NPRL3: variants seen among roughly 807,000 people sequenced by gnomAD.
NPRL3 encodes NPR3 like, GATOR1 complex subunit.
In NPRL3, 23 loss-of-function variants were observed where a neutral mutation model predicts 57.2. The observed-to-expected ratio is 0.40, with a 90% CI of 0.29 to 0.57. The LOEUF is 0.57. NPRL3 is among the 20% of genes least tolerant of loss of function. The pLI, the probability that NPRL3 is intolerant of heterozygous loss-of-function variation, is 0.42. For missense variants in NPRL3, 691 were observed against 767.1 expected, an observed-to-expected ratio of 0.90 and a Z score of 1.17; for synonymous variants, 333 against 321.1, an observed-to-expected ratio of 1.04 and a Z score of -0.39.
Position 138,643 on chromosome 16 carries a change from C to T in NPRL3, c.-69G>A, listed in dbSNP as rs1312162667. 3 of 200,306 alleles carry T rather than the reference C, an allele frequency of 1.5e-5. No homozygotes were observed. The Admixed American group carries it at 1.8e-4, about 12-fold the overall frequency. The allele number at this position is 200,306 out of a possible 1,614,324, so 12.4% of individuals were successfully genotyped here. A position where few individuals can be genotyped will look rare whatever the true frequency, so the allele number is the denominator to read the frequency against. On this transcript the variant is annotated splice_region_variant and 5_prime_UTR_variant, in exon 1 of 14. Coordinates refer to ENST00000611875, the MANE Select transcript of NPRL3 (RefSeq NM_001077350.3). Reference sequence around the variant, plus strand: ...CGGAGCAGCGCCACAGTTACCAACCCACGTGCCACGCTCCGGGCTCGCGAG... The same window carrying T: ...CGGAGCAGCGCCACAGTTACCAACCTACGTGCCACGCTCCGGGCTCGCGAG...
chr16:117,604 G>A (rs953958938), intron 4 of NPRL3, among the ~76,000 whole-genome samples: 1 of 152,222 alleles, frequency 6.6e-6, no homozygotes, highest in African/African-American at 2.4e-5. Flanking sequence ...GCTAACAGAA[G>A]TGAGCTGACA....
chr16:130,139 G>A (rs1051775007), intron 3 of NPRL3, among the ~76,000 whole-genome samples: 4 of 152,170 alleles, frequency 2.6e-5, no homozygotes, highest in Non-Finnish European at 4.4e-5. Flanking sequence ...TGACCAGGCT[G>A]TGCTAAACCC....
chr16:136,970 G>T (rs1901119019), intron 2 of NPRL3, among the ~76,000 whole-genome samples: 1 of 151,526 alleles, frequency 6.6e-6, no homozygotes, highest in Admixed American at 6.6e-5. Context: ...TACTTTGGGA[G>T]GCCGAGGCAG....
intron 3 of NPRL3, among the ~76,000 whole-genome samples, chr16:124,025 C>T (rs1055709583): frequency 7.1e-6 from 1 of 140,144 alleles, no homozygotes; most frequent in Non-Finnish European, 1.5e-5. Context: ...ACCCTCCCCA[C>T]GCTGAGAAAC....
chr16:103,701 C>T (rs902860454), intron 7 of NPRL3, among the ~76,000 whole-genome samples: 7 of 152,162 alleles, frequency 4.6e-5, no homozygotes, highest in East Asian at 3.9e-4. Flanking sequence ...CATAATTGGC[C>T]GGGCGTGGCG....
Position 112,515 on chromosome 16 carries a change from A to G in NPRL3, c.547+107T>C, listed in dbSNP as rs1306820871. 8 of 1,161,066 alleles carry G rather than the reference A, an allele frequency of 6.9e-6. No individual in the cohort carries two copies. The African/African-American group carries it at 1.1e-4, about 16-fold the overall frequency. The allele number at this position is 1,161,066 out of a possible 1,614,324, so 71.9% of individuals were successfully genotyped here. On this transcript the variant is annotated intron_variant, in intron 6 of 13. Coordinates refer to ENST00000611875, the MANE Select transcript of NPRL3 (RefSeq NM_001077350.3). ...TGTTGGGGTGGGTGAGGCCCCGCCA[A>G]CATCTGTATCATTAACACTGAATGA...
At chr16:95,350 T>TATATACATACACACACACACACACAC (rs1223611120) in intron 9 of NPRL3, among the ~76,000 whole-genome samples, 13 of 110,982 alleles carry the variant, frequency 1.2e-4, no homozygotes, top group African/African-American at 4.4e-4. Flanking sequence ...TATATATATA[T>TATATACATACACACACACACACACAC]ACACACACAC....
chr16:115,043 C>T (rs1368659086), intron 5 of NPRL3, among the ~76,000 whole-genome samples: 1 of 151,688 alleles, frequency 6.6e-6, no homozygotes, highest in Non-Finnish European at 1.5e-5. Context: ...CAGATGATCA[C>T]TGCTCACTGC....
chr16:92,929 C>T (rs1898825544), intron 10 of NPRL3: 1 of 646,728 alleles, frequency 1.5e-6, no homozygotes, highest in Non-Finnish European at 2.7e-6. Context: ...GCCATGGGCA[C>T]AGTTCATCCT....
intron 9 of NPRL3, among the ~76,000 whole-genome samples, chr16:96,917 A>G (rs1413172144): frequency 6.6e-6 from 1 of 152,068 alleles, no homozygotes. Context: ...TTCGGGGAAA[A>G]GTGGCCTGAG....
At chr16:120,043 C>T (rs1248938694) in intron 3 of NPRL3, among the ~76,000 whole-genome samples, 1 of 152,124 alleles carries the variant, frequency 6.6e-6, no homozygotes, top group Non-Finnish European at 1.5e-5. Flanking sequence ...CTGGGGAGAT[C>T]TGGATAAGGG....
At chr16:120,539 A>G (rs565623589) in intron 3 of NPRL3, among the ~76,000 whole-genome samples, 1 of 152,306 alleles carries the variant, frequency 6.6e-6, no homozygotes, top group Admixed American at 6.5e-5. Flanking sequence ...ACTGTTTTCC[A>G]GCCTTCCTCC....
chr16:117,373 G>T lies in NPRL3; in HGVS notation c.321C>A (p.Ile107=), dbSNP rs1315819710. 1 of 1,604,250 alleles carries T rather than the reference G, an allele frequency of 6.2e-7. No homozygotes were observed. Among genetic ancestry groups the T allele is most frequent in the Admixed American group, 1.7e-5 (1 of 59,338 alleles). ...TCTTCGGGGAAGGATCTGTTTTGGAGATCTGTAAAAGATGCATAATTCTAA... is the reference window on the plus strand; with the variant it reads ...TCTTCGGGGAAGGATCTGTTTTGGATATCTGTAAAAGATGCATAATTCTAA... ...PTLLQHALGQ[I]SKTDPSPKRE... is the part of the protein sequence containing the mutation. The change falls in exon 5 of 14, where the codon ATC becomes ATA. Residue 107 remains isoleucine, a splice_region_variant and synonymous_variant. Transcript: ENST00000611875.
intron 7 of NPRL3, among the ~76,000 whole-genome samples, chr16:104,335 T>G (rs1899440209): frequency 1.3e-5 from 2 of 152,074 alleles, no homozygotes; most frequent in Admixed American, 6.5e-5. Flanking sequence ...GACACCTAAT[T>G]GTAATCAAAT....
At chr16:133,021 C>G (rs1389077286) in intron 2 of NPRL3, among the ~76,000 whole-genome samples, 1 of 152,216 alleles carries the variant, frequency 6.6e-6, no homozygotes, top group Non-Finnish European at 1.5e-5. Context: ...ATCTCATGAA[C>G]TAACTTCTGC....
Position 89,827 on chromosome 16 carries a change from T to C in NPRL3, c.1237A>G (p.Met413Val), listed in dbSNP as rs749424318. The change falls in exon 12 of 14, where the codon ATG becomes GTG. Residue 413 changes from methionine to valine, a missense_variant. Met to Val is a conservative substitution (Grantham distance 21). Coordinates refer to ENST00000611875, the MANE Select transcript of NPRL3 (RefSeq NM_001077350.3). ...GGCTCCTCCTCGCTGGGTGAGGCCA[T>C]CAGGCAGACATAGGTGTGCAGCTGG... The part of the protein sequence containing the change: ...LIQLHTYVCL[M>V]ASPSEEEPRP... 1.9e-6 allele frequency: 3 copies of C among 1,585,774 alleles called. No individual in the cohort carries two copies. The highest frequency in any genetic ancestry group is 2.6e-6 in the Non-Finnish European group (3 of 1,167,462).
At chr16:133,138 G>A (rs1900892196) in intron 2 of NPRL3, among the ~76,000 whole-genome samples, 1 of 152,168 alleles carries the variant, frequency 6.6e-6, no homozygotes, top group African/African-American at 2.4e-5. Flanking sequence ...AGAGAATATT[G>A]TGGCTGGCCT....
intron 2 of NPRL3, among the ~76,000 whole-genome samples, chr16:135,994 T>C (rs1901056566): frequency 6.6e-6 from 1 of 152,238 alleles, no homozygotes; most frequent in East Asian, 1.9e-4. Context: ...AAAAGGCAAA[T>C]AAACATTAAA....
rs1478358968 is a variant in NPRL3 at position 138,259 on chromosome 16, G to C, written c.9C>G (p.Asp3Glu). 5.0e-6 allele frequency: 8 copies of C among 1,602,286 alleles called. No individual in the cohort carries two copies. The highest frequency in any genetic ancestry group is 3.4e-5 in the Admixed American group (2 of 58,424). ...GAATCACGCTGATGGGGCTGGTGTT[G>C]TCCCGCATCCCGCCGTGGGGCCGGG... MR[D>E]NTSPISVILV... The change falls in exon 2 of 14, where the codon GAC becomes GAG. Residue 3 changes from aspartate to glutamate, a missense_variant. Asp to Glu is a conservative substitution (Grantham distance 45). Transcript: ENST00000611875.
Sources: allele counts gnomAD v4.1 joint callset (sites outside exome capture counted in the v4.1 genomes callset), GRCh38; gene constraint gnomAD v4.1.1; transcripts MANE v1.5; gene names NCBI Gene and HGNC (gene_info 2026-07-23, HGNC 2026-07-21).